Variants in DHRSX observed in about 807,000 individuals in gnomAD.
The protein encoded by DHRSX is polyprenol dehydrogenase.
Under a neutral mutation model 34.0 loss-of-function variants are expected in DHRSX, and 31 were observed. The ratio of observed to expected loss-of-function variants is 0.91; its 90% CI spans 0.69 to 1.23. The LOEUF (loss-of-function observed/expected upper bound fraction) is 1.23. Among genes scored for constraint, DHRSX ranks in the 50% most tolerant of loss-of-function variants. DHRSX has a pLI of 0.00. For synonymous variants in DHRSX, 201 were observed against 183.8 expected (o/e 1.09, Z -0.76); for missense variants, 414 against 428.1 (o/e 0.97, Z 0.29).
At chrX:2,490,395 C>T (rs764564496) in intron 1 of DHRSX, 5 of 1,613,848 alleles carry the variant, frequency 3.1e-6, no homozygotes, top group South Asian at 2.2e-5. Context: ...ACGGCCAGCG[C>T]GTCCTGCCCG....
Position 2,244,412 on chromosome X carries a change from A to G in DHRSX, c.597-1182T>C, listed in dbSNP as rs777627442. 2.0e-5 allele frequency among the ~76,000 whole-genome samples: 3 copies of G among 152,194 alleles called. No individual in the cohort carries two copies. The South Asian group carries it at 6.2e-4, about 32-fold the overall frequency. ...CTTTTTCTATGTATGCCTTAGAAAC[A>G]CTTTTTAAAGAGATGTTATTTGCGG... On this transcript the variant is annotated intron_variant, in intron 5 of 6. Transcript: ENST00000334651.
intron 3 of DHRSX, among the ~76,000 whole-genome samples, chrX:2,367,305 G>A (rs1391553101): frequency 2.0e-5 from 3 of 151,950 alleles, no homozygotes; most frequent in Admixed American, 2.0e-4. Context: ...ACGCGTGGTG[G>A]TAGGTGCCTG....
intron 5 of DHRSX, among the ~76,000 whole-genome samples, chrX:2,250,906 A>AT (rs200885616): frequency 0.02 from 3,087 of 152,188 alleles, 99 homozygotes; most frequent in African/African-American, 0.069. Context: ...CAACTGAGCA[A>AT]TTTTCCCACC....
chrX:2,469,566 C>T (rs1268907548), intron 1 of DHRSX, among the ~76,000 whole-genome samples: 1 of 151,366 alleles, frequency 6.6e-6, no homozygotes, highest in Non-Finnish European at 1.5e-5. Context: ...GGGACCGCCA[C>T]CGTGTATGCA....
intron 4 of DHRSX, among the ~76,000 whole-genome samples, chrX:2,267,543 C>CAAAA (rs531488800): frequency 3.4e-4 from 44 of 127,714 alleles, no homozygotes; most frequent in African/African-American, 1.3e-3. Flanking sequence ...GACTCCATCT[C>CAAAA]AAAAAAAAAA....
rs754497026 is a variant in DHRSX at position 2,321,944 on chromosome X, T to C, written c.287-30341A>G. On this transcript the variant is annotated intron_variant, in intron 3 of 6. Coordinates refer to ENST00000334651, the MANE Select transcript of DHRSX (RefSeq NM_145177.3). ...AAATATATTTTCTCTTCTCTATGAT[T>C]TTTAAAAATTTAGTTTGGTGTCCTT... Among the ~76,000 whole-genome samples the C allele has an allele frequency of 5.9e-5, 9 of 152,262 alleles. No individual in the cohort carries two copies. The South Asian group carries it at 1.9e-3, about 32-fold the overall frequency.
At position 2,500,960 on chromosome X, in the gene DHRSX, C is replaced by G. The variant is rs2045414677; in HGVS notation, c.-35G>C. 2 of 1,003,466 alleles carry G rather than the reference C, an allele frequency of 2.0e-6. No homozygotes were observed. Among genetic ancestry groups the G allele is most frequent in the Non-Finnish European group, 2.4e-6 (2 of 838,124 alleles). The allele number at this position is 1,003,466 out of a possible 1,614,324, so 62.2% of individuals were successfully genotyped here. A position where few individuals can be genotyped will look rare whatever the true frequency, so the allele number is the denominator to read the frequency against. ...GGCCGCGCCGCCGCCGCTTCCGCGCCGCCCGCGGGACTCTGCGCCCGCCCG... is the reference window on the plus strand; with the variant it reads ...GGCCGCGCCGCCGCCGCTTCCGCGCGGCCCGCGGGACTCTGCGCCCGCCCG... On this transcript the variant is annotated 5_prime_UTR_variant, in exon 1 of 7. Transcript: ENST00000334651.
At chrX:2,235,162 A>G (rs2015983480) in intron 6 of DHRSX, among the ~76,000 whole-genome samples, 1 of 152,200 alleles carries the variant, frequency 6.6e-6, no homozygotes, top group Non-Finnish European at 1.5e-5. Flanking sequence ...TTCTCCTAAC[A>G]AACAACTCAG....
At chrX:2,291,764 AG>A (rs1296159537) in intron 3 of DHRSX, among the ~76,000 whole-genome samples, 161 bp from the exon 4 acceptor site, 4 of 151,836 alleles carry the variant, frequency 2.6e-5, no homozygotes, top group Non-Finnish European at 5.9e-5. Context: ...ACCGGGCTGG[AG>A]TGCTGTGGCA....
chrX:2,260,879 T>C (rs1362175135), intron 5 of DHRSX, among the ~76,000 whole-genome samples: 1 of 152,152 alleles, frequency 6.6e-6, no homozygotes, highest in East Asian at 1.9e-4. Context: ...CAATTATACA[T>C]ATTTGGAGTT....
rs779202323 is a variant in DHRSX, at chrX:2,456,357, T to C, written c.110-31053A>G. Among the ~76,000 whole-genome samples the C allele has an allele frequency of 5.9e-5, 9 of 152,204 alleles. No individual in the cohort carries two copies. The East Asian group carries it at 1.7e-3, about 29-fold the overall frequency. ...GGCCGGGCGCAGTGGCTCATGCCTG[T>C]TATCCCAGAACTTTGGGAGGCTGAG... On this transcript the variant is annotated intron_variant, in intron 1 of 6. Coordinates refer to ENST00000334651, the MANE Select transcript of DHRSX (RefSeq NM_145177.3).
intron 3 of DHRSX, among the ~76,000 whole-genome samples, chrX:2,393,529 C>CAT (rs1350134439): frequency 8.7e-3 from 373 of 42,658 alleles, no homozygotes; most frequent in African/African-American, 0.025. Flanking sequence ...TCCGCACACA[C>CAT]GACACACAGG....
At chrX:2,432,800 T>A (rs974346703) in intron 1 of DHRSX, among the ~76,000 whole-genome samples, 3 of 152,118 alleles carry the variant, frequency 2.0e-5, no homozygotes, top group Non-Finnish European at 2.9e-5. Context: ...AGAAAGATGG[T>A]TAGATAGATT....
intron 1 of DHRSX, among the ~76,000 whole-genome samples, chrX:2,485,099 G>C (rs911050929): frequency 7.9e-5 from 12 of 152,312 alleles, no homozygotes; most frequent in African/African-American, 2.9e-4. Flanking sequence ...TGTGCAGCCA[G>C]ATGCAAGCGT....
intron 3 of DHRSX, among the ~76,000 whole-genome samples, chrX:2,378,361 C>A (rs73191326): frequency 0.24 from 36,209 of 152,066 alleles, 5,484 homozygotes; most frequent in Non-Finnish European, 0.35. Flanking sequence ...ACAGTGGACC[C>A]TTGAACACCA....
chrX:2,321,116 C>T (rs1202394506), intron 3 of DHRSX, among the ~76,000 whole-genome samples: 4 of 152,052 alleles, frequency 2.6e-5, no homozygotes, highest in Non-Finnish European at 5.9e-5. Context: ...CGTGGCTGTC[C>T]ATTGAGAGAG....
intron 2 of DHRSX, among the ~76,000 whole-genome samples, chrX:2,423,438 T>A (rs1386230856): frequency 6.6e-6 from 1 of 151,024 alleles, no homozygotes; most frequent in Non-Finnish European, 1.5e-5. Context: ...AATAAATAAA[T>A]AAAATGAGCT....
chrX:2,435,254 C>T (rs866021216), intron 1 of DHRSX, among the ~76,000 whole-genome samples: 1 of 152,050 alleles, frequency 6.6e-6, no homozygotes, highest in African/African-American at 2.4e-5. Context: ...TATGAAATTG[C>T]ACAGAACTCG....
At chrX:2,422,846 G>A (rs1242095571) in intron 2 of DHRSX, among the ~76,000 whole-genome samples, 10 of 151,762 alleles carry the variant, frequency 6.6e-5, no homozygotes, top group Middle Eastern at 3.2e-3. Context: ...GTGCAGTGGC[G>A]TGATCTCAGC....
Sources: gnomAD v4.1 joint callset for allele counts (sites outside exome capture counted in the v4.1 genomes callset) on GRCh38, gnomAD v4.1.1 for gene constraint, MANE v1.5 for transcripts, NCBI Gene and HGNC (gene_info 2026-07-23, HGNC 2026-07-21) for gene names.